Variants in GRM7 observed in about 807,000 individuals in gnomAD.
GRM7 encodes the protein metabotropic glutamate receptor 7.
A neutral mutation model predicts 84.5 loss-of-function variants in GRM7; 35 were observed. The ratio of observed to expected loss-of-function variants is 0.41; its 90% CI spans 0.32 to 0.55. The LOEUF is 0.55. Among genes scored for constraint, GRM7 ranks in the 20% least tolerant of loss-of-function variants. The pLI is 0.19. For synonymous variants in GRM7, 487 were observed against 455.1 expected, an observed-to-expected ratio of 1.07 and a Z score of -0.89; for missense variants, 1,003 against 1,194.6, an observed-to-expected ratio of 0.84 and a Z score of 2.36.
intron 4 of GRM7, among the ~76,000 whole-genome samples, chr3:7,408,903 A>T (rs539698388): frequency 6.6e-6 from 1 of 152,200 alleles, no homozygotes; most frequent in African/African-American, 2.4e-5. Flanking sequence ...CTAAGATTCA[A>T]CTTGATCATT....
chr3:7,380,966 T>G (rs1401795368), intron 4 of GRM7, among the ~76,000 whole-genome samples: 1 of 152,104 alleles, frequency 6.6e-6, no homozygotes, highest in Non-Finnish European at 1.5e-5. Flanking sequence ...ACCGTGTGTT[T>G]TGAAGTCATA....
rs536317474 is a variant in GRM7, at chr3:7,554,545, T to C, written c.1516-23877T>C. Among the ~76,000 whole-genome samples the C allele has an allele frequency of 2.2e-4, 34 of 152,314 alleles. No individual in the cohort carries two copies. In the South Asian group the frequency reaches 7.1e-3, roughly 32 times the overall value. On this transcript the variant is annotated intron_variant, in intron 7 of 9. Coordinates refer to ENST00000357716, the MANE Select transcript of GRM7 (RefSeq NM_000844.4). ...ATGGAGGAAACCAACAGTGAGAAAT[T>C]AGCTAGGGTAAGTAATCCACCGCTA...
chr3:7,311,893 C>A (rs931746483), intron 4 of GRM7, among the ~76,000 whole-genome samples: 1 of 152,148 alleles, frequency 6.6e-6, no homozygotes, highest in Non-Finnish European at 1.5e-5. Flanking sequence ...CTGCACCCGG[C>A]CTCAACACAT....
intron 8 of GRM7, among the ~76,000 whole-genome samples, chr3:7,596,661 T>A (rs758765547): frequency 7.9e-5 from 12 of 152,156 alleles, no homozygotes; most frequent in Admixed American, 4.6e-4. Flanking sequence ...TACTAGAGCA[T>A]CCAATTGAGC....
intron 9 of GRM7, among the ~76,000 whole-genome samples, chr3:7,696,983 A>T (rs1701046498): frequency 6.6e-6 from 1 of 152,160 alleles, no homozygotes; most frequent in Non-Finnish European, 1.5e-5. Context: ...GGTTGAGTAC[A>T]CTACAGCTAA....
Position 7,168,893 on chromosome 3 carries a change from A to T in GRM7, c.736+22225A>T, listed in dbSNP as rs189468943. The stretch of plus-strand genomic sequence containing the variant: ...ATAAATCTCCAATTTAATCACCTCT[A>T]CATTACTCATATCAAATAAAGGAAG... On this transcript the variant is annotated intron_variant, in intron 2 of 9. Coordinates refer to ENST00000357716, the MANE Select transcript of GRM7 (RefSeq NM_000844.4). Among the ~76,000 whole-genome samples the T allele has an allele frequency of 5.7e-4, 87 of 152,324 alleles. 1 individual carries two copies. Among genetic ancestry groups the T allele is most frequent in the Non-Finnish European group, 1.0e-3 (71 of 68,022 alleles).
chr3:6,926,241 T>C (rs921644827), intron 1 of GRM7, among the ~76,000 whole-genome samples: 1 of 152,216 alleles, frequency 6.6e-6, no homozygotes, highest in Admixed American at 6.5e-5. Context: ...CCCTTTCAGA[T>C]TCTTTCATAT....
At chr3:7,500,619 T>C (rs558462585) in intron 7 of GRM7, among the ~76,000 whole-genome samples, 6 of 152,270 alleles carry the variant, frequency 3.9e-5, no homozygotes, top group Non-Finnish European at 5.9e-5. Flanking sequence ...TCATGAACAC[T>C]TGAAATCCAA....
At chr3:7,373,529 A>G (rs1046921060) in intron 4 of GRM7, among the ~76,000 whole-genome samples, 1 of 152,190 alleles carries the variant, frequency 6.6e-6, no homozygotes, top group Non-Finnish European at 1.5e-5. Context: ...ACGCAGCACC[A>G]AGAAGCCAGT....
At position 7,152,837 on chromosome 3, in the gene GRM7, G is replaced by C. The variant is rs528158415; in HGVS notation, c.736+6169G>C. On this transcript the variant is annotated intron_variant, in intron 2 of 9. Coordinates refer to ENST00000357716, the MANE Select transcript of GRM7 (RefSeq NM_000844.4). ...TGAAAGAAAAAGCTTTTGCATCGCT[G>C]TAGAGCTAAAACAGTCAGATATTCA... Among the ~76,000 whole-genome samples the C allele has an allele frequency of 3.9e-5, 6 of 152,314 alleles. No individual in the cohort carries two copies. The South Asian group carries it at 1.2e-3, about 32-fold the overall frequency.
chr3:7,097,074 A>C (rs1698883579), intron 1 of GRM7, among the ~76,000 whole-genome samples: 1 of 152,160 alleles, frequency 6.6e-6, no homozygotes, highest in Non-Finnish European at 1.5e-5. Context: ...GGCACAATTT[A>C]GTTTCCCACA....
chr3:7,203,801 T>TAGCTCCTC, intron 2 of GRM7, among the ~76,000 whole-genome samples: 2 of 152,210 alleles, frequency 1.3e-5, no homozygotes, highest in African/African-American at 4.8e-5. Context: ...AAACATTTTG[T>TAGCTCCTC]TCTCAGATAC....
chr3:7,740,747 G>A lies in GRM7; in HGVS notation c.*341G>A, dbSNP rs187139392. ...TTTTGGGGCTGACCTGTCTTATTAC[G>A]TATGTACTTCTAGGTTGCAAGGTTT... On this transcript the variant is annotated 3_prime_UTR_variant, in exon 10 of 10. Transcript: ENST00000357716. 19 of 211,310 alleles carry A rather than the reference G, an allele frequency of 9.0e-5. No individual in the cohort carries two copies. In the South Asian group the frequency reaches 1.8e-3, roughly 20 times the overall value. 13.1% of individuals were successfully genotyped at this position (211,310 alleles called of 1,614,324 possible).
At chr3:7,332,662 T>G (rs1320765425) in intron 4 of GRM7, among the ~76,000 whole-genome samples, 1 of 152,142 alleles carries the variant, frequency 6.6e-6, no homozygotes, top group Non-Finnish European at 1.5e-5. Context: ...AGAAATAGCG[T>G]GTGGAGACTC....
At chr3:6,925,631 G>A (rs904584632) in intron 1 of GRM7, among the ~76,000 whole-genome samples, 1 of 152,134 alleles carries the variant, frequency 6.6e-6, no homozygotes, top group Non-Finnish European at 1.5e-5. Flanking sequence ...TATAAACCAG[G>A]TAGTGGTCAT....
At chr3:7,432,659 A>T (rs1235962845) in intron 5 of GRM7, among the ~76,000 whole-genome samples, 1 of 152,078 alleles carries the variant, frequency 6.6e-6, no homozygotes, top group Admixed American at 6.6e-5. Flanking sequence ...TAGAAATAAT[A>T]GATTTAGAAT....
chr3:7,531,418 A>G (rs1028004823), intron 7 of GRM7, among the ~76,000 whole-genome samples: 1 of 152,088 alleles, frequency 6.6e-6, no homozygotes, highest in African/African-American at 2.4e-5. Flanking sequence ...GGCCATTTTC[A>G]TGATATTGAT....
intron 8 of GRM7, among the ~76,000 whole-genome samples, chr3:7,640,433 T>C (rs1242330587): frequency 6.6e-6 from 1 of 152,238 alleles, no homozygotes; most frequent in African/African-American, 2.4e-5. Context: ...CATGCCCACA[T>C]GCCTGGAATT....
At chr3:7,549,007 TAA>T (rs1483698040) in intron 7 of GRM7, among the ~76,000 whole-genome samples, 5 of 152,140 alleles carry the variant, frequency 3.3e-5, no homozygotes, top group African/African-American at 1.2e-4. Context: ...GTTTTCTTGG[TAA>T]GTAGAGTAGA....
Sources: gnomAD v4.1 joint callset for allele counts (sites outside exome capture counted in the v4.1 genomes callset) on GRCh38, gnomAD v4.1.1 for gene constraint, MANE v1.5 for transcripts, NCBI Gene and HGNC (gene_info 2026-07-23, HGNC 2026-07-21) for gene names.